Variants in ZMAT3 observed in about 807,000 individuals in gnomAD.
ZMAT3 encodes zinc finger matrin-type protein 3.
A neutral mutation model predicts 32.3 loss-of-function variants in ZMAT3; 17 were observed. The ratio of observed to expected loss-of-function variants is 0.53; its 90% CI spans 0.36 to 0.79. ZMAT3 has a LOEUF of 0.79. Among genes scored for constraint, ZMAT3 ranks in the 30% least tolerant of loss-of-function variants. The pLI is 0.00. For synonymous variants in ZMAT3, 120 were observed against 133.1 expected, an observed-to-expected ratio of 0.90 and a Z score of 0.68; for missense variants, 329 against 359.7, an observed-to-expected ratio of 0.91 and a Z score of 0.69.
At chr3:179,057,413 C>T (rs1397183399) in intron 2 of ZMAT3, among the ~76,000 whole-genome samples, 1 of 152,198 alleles carries the variant, frequency 6.6e-6, no homozygotes, top group Non-Finnish European at 1.5e-5. Context: ...ATCCTTGGAA[C>T]CCAGTGTCTC....
intron 3 of ZMAT3, among the ~76,000 whole-genome samples, chr3:179,028,350 G>A (rs1718992345): frequency 6.6e-6 from 1 of 152,104 alleles, no homozygotes. Flanking sequence ...GTCAGGTTGT[G>A]GAATAACATG....
chr3:179,044,396 G>A (rs1319054433), intron 2 of ZMAT3, among the ~76,000 whole-genome samples: 4 of 152,196 alleles, frequency 2.6e-5, no homozygotes, highest in Non-Finnish European at 4.4e-5. Flanking sequence ...TGTAATCCCA[G>A]CACTTTGGGA....
intron 2 of ZMAT3, 128 bp downstream of exon 2, chr3:179,067,355 A>AT: frequency 1.0e-6 from 1 of 990,062 alleles, no homozygotes; most frequent in Non-Finnish European, 1.5e-6. Flanking sequence ...AAACAAATTC[A>AT]TAGTTAGTTG....
At chr3:179,034,343 T>C (rs1417794879) in intron 2 of ZMAT3, among the ~76,000 whole-genome samples, 1 of 152,248 alleles carries the variant, frequency 6.6e-6, no homozygotes, top group African/African-American at 2.4e-5. Flanking sequence ...TGGTCACATA[T>C]GTGCCTTCAT....
rs1245077526 is a variant in ZMAT3 at position 179,067,516 on chromosome 3, C to T, written c.237G>A (p.Leu79=). ...GAGCCTGGGCTTGCTGTGCAGAGTT[C>T]AAGGTGACATTGCAGAGTTTGCAGT... The part of the protein sequence containing the change: ...PLYCKLCNVT[L]NSAQQAQAHY... The change falls in exon 2 of 6, where the codon TTG becomes TTA. Residue 79 remains leucine, a synonymous_variant. Coordinates refer to ENST00000311417, the MANE Select transcript of ZMAT3 (RefSeq NM_022470.4). 35 of 1,614,080 alleles carry T rather than the reference C, an allele frequency of 2.2e-5. No individual in the cohort carries two copies. The highest frequency in any genetic ancestry group is 2.6e-5 in the Non-Finnish European group (31 of 1,180,046).
chr3:179,055,523 A>G (rs1720795727), intron 2 of ZMAT3, among the ~76,000 whole-genome samples: 1 of 133,186 alleles, frequency 7.5e-6, no homozygotes, highest in South Asian at 2.6e-4. Flanking sequence ...CCTTTAACCC[A>G]AACGGTCCAA....
Position 179,020,900 on chromosome 3 carries a change from G to GAT in ZMAT3, c.*4115_*4116dup. 1 of 152,334 alleles carries GAT rather than the reference G, an allele frequency of 6.6e-6. No individual in the cohort carries two copies. The highest frequency in any genetic ancestry group is 6.5e-5 in the Admixed American group (1 of 15,304). 9.4% of individuals were successfully genotyped at this position (152,334 alleles called of 1,614,324 possible). On this transcript the variant is annotated 3_prime_UTR_variant, in exon 6 of 6. Transcript: ENST00000311417. ...TCCCTTTCTCCCTGTTCAAACTGTA[G>GAT]ATAGGTAGCTATAAGCAAGCATATA... is the stretch of plus-strand genomic sequence containing the variant.
At chr3:179,039,818 G>A (rs1033996605) in intron 2 of ZMAT3, among the ~76,000 whole-genome samples, 2 of 152,144 alleles carry the variant, frequency 1.3e-5, no homozygotes, top group South Asian at 2.1e-4. Context: ...TCGCAAGGAA[G>A]CTAAAAACCT....
chr3:179,041,500 T>C (rs1453503730), intron 2 of ZMAT3, among the ~76,000 whole-genome samples: 2 of 152,102 alleles, frequency 1.3e-5, no homozygotes, highest in Non-Finnish European at 2.9e-5. Context: ...AATAACGAAA[T>C]GAAGGCAGAA....
chr3:179,022,320 T>C lies in ZMAT3; in HGVS notation c.*2697A>G, dbSNP rs1560080429. 1 of 152,122 alleles carries C rather than the reference T, an allele frequency of 6.6e-6. No homozygotes were observed. Among genetic ancestry groups the C allele is most frequent in the Non-Finnish European group, 1.5e-5 (1 of 68,000 alleles). 9.4% of individuals were successfully genotyped at this position (152,122 alleles called of 1,614,324 possible). On this transcript the variant is annotated 3_prime_UTR_variant, in exon 6 of 6. Coordinates refer to ENST00000311417, the MANE Select transcript of ZMAT3 (RefSeq NM_022470.4). ...AAACTATTTCCAATGGAAAACAAAGTGGATGAATGACATTTTTACAAAATA... is the reference window on the plus strand; with the variant it reads ...AAACTATTTCCAATGGAAAACAAAGCGGATGAATGACATTTTTACAAAATA...
At chr3:179,031,024 C>T (rs371926394) in intron 2 of ZMAT3, 25 bp from the exon 3 acceptor site, 80 of 1,604,412 alleles carry the variant, frequency 5.0e-5, no homozygotes, top group Non-Finnish European at 6.5e-5. Flanking sequence ...AAAATGAGTA[C>T]AGCAGTCCAC....
intron 2 of ZMAT3, among the ~76,000 whole-genome samples, chr3:179,051,859 C>A (rs1720581227): frequency 6.6e-6 from 1 of 152,010 alleles, no homozygotes; most frequent in South Asian, 2.1e-4. Context: ...AATAGAGAAC[C>A]CAGAAATAAA....
At position 179,040,306 on chromosome 3, in the gene ZMAT3, GA is replaced by G. The variant is rs557369443; in HGVS notation, c.271-9308del. Among the ~76,000 whole-genome samples the G allele has an allele frequency of 1.6e-3, 237 of 152,266 alleles. 3 individuals carry two copies. Among genetic ancestry groups the G allele is most frequent in the African/African-American group, 5.5e-3 (228 of 41,556 alleles). On this transcript the variant is annotated intron_variant, in intron 2 of 5. Coordinates refer to ENST00000311417, the MANE Select transcript of ZMAT3 (RefSeq NM_022470.4). ...CACATTCACCACGGTTGAAATGAAGGAAAAAATGTTAAGGGCAGCCAGAGAG... is the reference window on the plus strand; with the variant it reads ...CACATTCACCACGGTTGAAATGAAGGAAAAATGTTAAGGGCAGCCAGAGAG...
At position 179,068,908 on chromosome 3, in the gene ZMAT3, C is replaced by G. The variant is rs559531466; in HGVS notation, c.-57-1099G>C. Among the ~76,000 whole-genome samples the G allele has an allele frequency of 2.6e-5, 4 of 152,306 alleles. No individual in the cohort carries two copies. The South Asian group carries it at 8.3e-4, about 32-fold the overall frequency. ...ATCTGGCATCACTTGGCCCACATTCCTATATGGGACGCAATTAGCTAGTTA... is the reference window on the plus strand; with the variant it reads ...ATCTGGCATCACTTGGCCCACATTCGTATATGGGACGCAATTAGCTAGTTA... On this transcript the variant is annotated intron_variant, in intron 1 of 5. Coordinates refer to ENST00000311417, the MANE Select transcript of ZMAT3 (RefSeq NM_022470.4).
Position 179,024,840 on chromosome 3 carries a change from T to TCCCCC in ZMAT3, c.*172_*176dup. On this transcript the variant is annotated 3_prime_UTR_variant, in exon 6 of 6. Coordinates refer to ENST00000311417, the MANE Select transcript of ZMAT3 (RefSeq NM_022470.4). The stretch of plus-strand genomic sequence containing the variant: ...AAGAAGCACGTTCTTCACACCCACC[T>TCCCCC]CCCCCCGCCCCGCCCCCGGGCCCCC... 1 of 554,258 alleles carries TCCCCC rather than the reference T, an allele frequency of 1.8e-6. No homozygotes were observed. The highest frequency in any genetic ancestry group is 3.2e-6 in the Non-Finnish European group (1 of 310,578). 34.3% of individuals were successfully genotyped at this position (554,258 alleles called of 1,614,324 possible).
intron 2 of ZMAT3, among the ~76,000 whole-genome samples, chr3:179,056,338 G>A (rs940267625): frequency 1.3e-5 from 2 of 151,944 alleles, no homozygotes; most frequent in East Asian, 1.9e-4. Context: ...AAAAGGGGGG[G>A]TCCACTACTT....
chr3:179,062,357 G>A (rs1376839689), intron 2 of ZMAT3, among the ~76,000 whole-genome samples: 1 of 152,186 alleles, frequency 6.6e-6, no homozygotes. Flanking sequence ...AAAGTAAACA[G>A]AAGGTTGCTG....
chr3:179,039,042 A>T (rs895928400), intron 2 of ZMAT3, among the ~76,000 whole-genome samples: 1 of 152,220 alleles, frequency 6.6e-6, no homozygotes, highest in African/African-American at 2.4e-5. Flanking sequence ...TTGAGTAGGT[A>T]AACAAAGTGG....
intron 2 of ZMAT3, among the ~76,000 whole-genome samples, chr3:179,057,788 T>A (rs1720927306): frequency 6.6e-6 from 1 of 152,210 alleles, no homozygotes; most frequent in African/African-American, 2.4e-5. Flanking sequence ...TAGGGTTCCT[T>A]AACGGGTTTC....
Sources: gnomAD v4.1 joint callset for allele counts (sites outside exome capture counted in the v4.1 genomes callset) on GRCh38, gnomAD v4.1.1 for gene constraint, MANE v1.5 for transcripts, NCBI Gene and HGNC (gene_info 2026-07-23, HGNC 2026-07-21) for gene names.